Variants in CLVS1 observed in about 807,000 individuals in gnomAD.
CLVS1 encodes clavesin-1.
CLVS1 carries 10 observed loss-of-function variants against 33.1 expected under a neutral mutation model. That is an observed-to-expected ratio of 0.30 (90% CI 0.19 to 0.51). The LOEUF (loss-of-function observed/expected upper bound fraction) is 0.51. Ranked by LOEUF, CLVS1 falls within the 20% of genes least tolerant of loss-of-function variation. CLVS1 has a pLI of 0.97. For missense variants in CLVS1, 343 were observed against 433.4 expected (o/e 0.79, Z 1.85); for synonymous variants, 163 against 166.1 (o/e 0.98, Z 0.14).
At chr8:61,099,706 G>T (rs1407766034) in intron 1 of CLVS1, among the ~76,000 whole-genome samples, 5 of 152,094 alleles carry the variant, frequency 3.3e-5, no homozygotes, top group Middle Eastern at 3.2e-3. Context: ...ACTTTTGAGG[G>T]TTATCTGTTG....
At chr8:61,030,668 C>A in the CLVS1 span, among the ~76,000 whole-genome samples, 2 of 152,200 alleles carry the variant, frequency 1.3e-5, no homozygotes, top group Admixed American at 1.3e-4. Context: ...TGGCTGTGGT[C>A]ATTTATTCAT....
chr8:61,413,595 G>T (rs1005314474), intron 3 of CLVS1, among the ~76,000 whole-genome samples: 1 of 152,190 alleles, frequency 6.6e-6, no homozygotes, highest in Non-Finnish European at 1.5e-5. Flanking sequence ...CAAACAGCAT[G>T]CAGTTTATAT....
At chr8:61,482,447 A>G (rs554940571) in intron 5 of CLVS1, among the ~76,000 whole-genome samples, 2 of 152,336 alleles carry the variant, frequency 1.3e-5, no homozygotes, top group African/African-American at 2.4e-5. Context: ...CAAAGAAGCT[A>G]AAAACCTTGA....
At chr8:61,023,564 T>G in the CLVS1 span, among the ~76,000 whole-genome samples, 1 of 152,262 alleles carries the variant, frequency 6.6e-6, no homozygotes, top group Non-Finnish European at 1.5e-5. Context: ...TGCCCAGTAG[T>G]CAATTTCCTT....
intron 5 of CLVS1, among the ~76,000 whole-genome samples, chr8:61,498,243 G>A (rs1804337687): frequency 6.6e-6 from 1 of 152,138 alleles, no homozygotes; most frequent in Non-Finnish European, 1.5e-5. Flanking sequence ...AACCAAGCAT[G>A]CACTATAAAT....
the CLVS1 span, among the ~76,000 whole-genome samples, chr8:61,045,210 A>G: frequency 6.6e-6 from 1 of 152,262 alleles, no homozygotes; most frequent in Non-Finnish European, 1.5e-5. Flanking sequence ...AGCAAGATGT[A>G]TGTGGCAAAT....
At chr8:61,492,529 G>A (rs1046801213) in intron 5 of CLVS1, among the ~76,000 whole-genome samples, 2 of 151,988 alleles carry the variant, frequency 1.3e-5, no homozygotes, top group African/African-American at 2.4e-5. Flanking sequence ...TTTTTGGGGG[G>A]GTCTTTCTTC....
chr8:61,381,554 C>T (rs1813879736), intron 3 of CLVS1, among the ~76,000 whole-genome samples: 1 of 152,070 alleles, frequency 6.6e-6, no homozygotes, highest in African/African-American at 2.4e-5. Context: ...GAGCATAATA[C>T]TCAATAGGTA....
intron 2 of CLVS1, among the ~76,000 whole-genome samples, chr8:61,163,145 T>C (rs1806783968): frequency 6.6e-6 from 1 of 152,158 alleles, no homozygotes; most frequent in Non-Finnish European, 1.5e-5. Flanking sequence ...CATCTGTCCA[T>C]GTGTCCACAT....
At chr8:61,074,392 ATATATGT>A (rs1168362293) in intron 1 of CLVS1, among the ~76,000 whole-genome samples, 21,587 of 108,532 alleles carry the variant, frequency 0.2, 6,805 homozygotes, top group African/African-American at 0.61. Flanking sequence ...ATGTGTATAT[ATATATGT>A]TATATATATA....
At chr8:61,004,998 C>T in the CLVS1 span, among the ~76,000 whole-genome samples, 1 of 152,202 alleles carries the variant, frequency 6.6e-6, no homozygotes, top group Non-Finnish European at 1.5e-5. Context: ...TATACACATC[C>T]ACCTGGTAAT....
the CLVS1 span, among the ~76,000 whole-genome samples, chr8:61,043,928 G>A: frequency 6.6e-6 from 1 of 152,174 alleles, no homozygotes; most frequent in Non-Finnish European, 1.5e-5. Flanking sequence ...TAGTAAGGAA[G>A]AAAGTAAGGA....
intron 2 of CLVS1, among the ~76,000 whole-genome samples, chr8:61,165,640 A>G (rs542716041): frequency 1.3e-5 from 2 of 152,142 alleles, no homozygotes; most frequent in African/African-American, 2.4e-5. Flanking sequence ...CCTGTCTCTC[A>G]ATATCACTGC....
At chr8:60,995,933 A>G in the CLVS1 span, among the ~76,000 whole-genome samples, 3 of 152,118 alleles carry the variant, frequency 2.0e-5, no homozygotes, top group Non-Finnish European at 2.9e-5. Flanking sequence ...AACACCGCAT[A>G]TTCTCACTCA....
chr8:61,186,367 C>T (rs1403007735), intron 2 of CLVS1, among the ~76,000 whole-genome samples: 1 of 152,174 alleles, frequency 6.6e-6, no homozygotes, highest in Non-Finnish European at 1.5e-5. Context: ...TTGCAGCCCC[C>T]CTCAAGAGAA....
rs558117613 is a variant in CLVS1 at position 61,328,323 on chromosome 8, A to G, written c.455+28041A>G. On this transcript the variant is annotated intron_variant, in intron 2 of 5. Coordinates refer to ENST00000325897, the MANE Select transcript of CLVS1 (RefSeq NM_173519.3). The stretch of plus-strand genomic sequence containing the variant: ...GATCCCAGCTAAAGGAAAAGAGGAG[A>G]GAGGAATTATTGTTGTGTTTTCTAA... Among the ~76,000 whole-genome samples, 9 of 152,266 alleles carry G rather than the reference A, an allele frequency of 5.9e-5. No individual in the cohort carries two copies. In the East Asian group the frequency reaches 1.7e-3, roughly 29 times the overall value.
chr8:61,292,472 T>C (rs1254678276), intron 1 of CLVS1: 2 of 454,640 alleles, frequency 4.4e-6, no homozygotes, highest in Non-Finnish European at 4.4e-6. Flanking sequence ...CTACCTTTCT[T>C]ATCTCCTTTA....
chr8:61,454,313 C>A, intron 4 of CLVS1, 62 bp downstream of exon 4: 1 of 1,109,354 alleles, frequency 9.0e-7, no homozygotes, highest in Non-Finnish European at 1.4e-6. Context: ...TATTTTCTCT[C>A]TCCCCTCCTC....
chr8:61,203,428 G>A (rs557419600), intron 2 of CLVS1, among the ~76,000 whole-genome samples: 122 of 152,020 alleles, frequency 8.0e-4, no homozygotes, highest in Non-Finnish European at 1.6e-3. Flanking sequence ...CCCTTTGCTT[G>A]GTTTTAAGTA....
Sources: allele counts gnomAD v4.1 joint callset (sites outside exome capture counted in the v4.1 genomes callset), GRCh38; gene constraint gnomAD v4.1.1; transcripts MANE v1.5; gene names NCBI Gene and HGNC (gene_info 2026-07-23, HGNC 2026-07-21).